MAP2K5: variants seen among roughly 807,000 people sequenced by gnomAD.
MAP2K5 encodes the protein dual specificity mitogen-activated protein kinase kinase 5.
In MAP2K5, 49 loss-of-function variants were observed where a neutral mutation model predicts 83.1. That is an observed-to-expected ratio of 0.59 (90% CI 0.47 to 0.75). The LOEUF (loss-of-function observed/expected upper bound fraction) is 0.75. MAP2K5 is among the 30% of genes least tolerant of loss of function. MAP2K5 has a pLI of 0.00. For synonymous variants in MAP2K5, 202 were observed against 191.8 expected (o/e 1.05, Z -0.44); for missense variants, 457 against 557.5 (o/e 0.82, Z 1.82).
intron 3 of MAP2K5, among the ~76,000 whole-genome samples, chr15:67,578,400 G>A (rs1311499994): frequency 6.6e-6 from 1 of 152,206 alleles, no homozygotes; most frequent in African/African-American, 2.4e-5. Flanking sequence ...CAGTTGTGTA[G>A]GGCCCACACT....
chr15:67,651,374 TAGG>T (rs1238568481), intron 11 of MAP2K5, among the ~76,000 whole-genome samples: 4 of 152,234 alleles, frequency 2.6e-5, no homozygotes, highest in Non-Finnish European at 5.9e-5. Flanking sequence ...TTCTTTGTGT[TAGG>T]AGCATTGCAA....
Position 67,759,822 on chromosome 15 carries a change from C to T in MAP2K5, c.1135-9780C>T, listed in dbSNP as rs538076391. Among the ~76,000 whole-genome samples the T allele has an allele frequency of 2.2e-4, 34 of 152,266 alleles. No individual in the cohort carries two copies. In the East Asian group the frequency reaches 3.5e-3, roughly 16 times the overall value. On this transcript the variant is annotated intron_variant, in intron 19 of 21. Coordinates refer to ENST00000178640, the MANE Select transcript of MAP2K5 (RefSeq NM_145160.3). ...CTATAGTGATTAACTCCAACCACTC[C>T]CACAAACAGGTTTTTGTGATGTGGG... is the stretch of plus-strand genomic sequence containing the variant.
chr15:67,581,237 G>A (rs978345910), intron 4 of MAP2K5, among the ~76,000 whole-genome samples: 4 of 152,154 alleles, frequency 2.6e-5, no homozygotes, highest in Non-Finnish European at 5.9e-5. Context: ...TGTTAGGAGA[G>A]AAATTTTGGT....
At chr15:67,798,308 A>C (rs1426983343) in intron 21 of MAP2K5, among the ~76,000 whole-genome samples, 1 of 152,230 alleles carries the variant, frequency 6.6e-6, no homozygotes, top group Non-Finnish European at 1.5e-5. Flanking sequence ...CAGCCTGCCC[A>C]GTCCTATCCA....
intron 3 of MAP2K5, among the ~76,000 whole-genome samples, chr15:67,575,614 T>C (rs2085039126): frequency 6.6e-6 from 1 of 152,224 alleles, no homozygotes; most frequent in Non-Finnish European, 1.5e-5. Flanking sequence ...ACCTACTTCT[T>C]AACTTGTAAG....
At chr15:67,642,123 A>T (rs1321872512) in intron 9 of MAP2K5, among the ~76,000 whole-genome samples, 1 of 152,262 alleles carries the variant, frequency 6.6e-6, no homozygotes, top group Non-Finnish European at 1.5e-5. Context: ...CCACAAATAC[A>T]GTATTCCTTA....
rs62015215 is a variant in MAP2K5 at position 67,778,948 on chromosome 15, G to T, written c.1242+6196G>T. 0.083 allele frequency among the ~76,000 whole-genome samples: 12,610 copies of T among 152,214 alleles called. 691 individuals are homozygous for T. The highest frequency in any genetic ancestry group is 0.1 in the Admixed American group (1,583 of 15,284). On this transcript the variant is annotated intron_variant, in intron 21 of 21. Transcript: ENST00000178640. The surrounding 1 kb of genome is among the most constrained non-coding windows in gnomAD (Gnocchi z 5.0). Reference sequence around the variant, plus strand: ...GTGAACTTGGATGTAGTTCACTACAGTTAGGTATTGCCTGTGTCATATAAA... The same window carrying T: ...GTGAACTTGGATGTAGTTCACTACATTTAGGTATTGCCTGTGTCATATAAA...
rs1160991727 is a variant in MAP2K5 at position 67,778,830 on chromosome 15, G to A, written c.1242+6078G>A. Reference sequence around the variant, plus strand: ...TGCCCTGAGCGCAAATATGAAGAAAGGTGCATTTCCATAGCCCCCTTAGAG... The same window carrying A: ...TGCCCTGAGCGCAAATATGAAGAAAAGTGCATTTCCATAGCCCCCTTAGAG... On this transcript the variant is annotated intron_variant, in intron 21 of 21. Coordinates refer to ENST00000178640, the MANE Select transcript of MAP2K5 (RefSeq NM_145160.3). The surrounding 1 kb of genome is among the most constrained non-coding windows in gnomAD (Gnocchi z 5.0). Among the ~76,000 whole-genome samples the A allele has an allele frequency of 2.0e-5, 3 of 152,148 alleles. No individual in the cohort carries two copies. The highest frequency in any genetic ancestry group is 4.4e-5 in the Non-Finnish European group (3 of 68,032).
intron 8 of MAP2K5, among the ~76,000 whole-genome samples, chr15:67,614,290 T>C (rs867834404): frequency 6.6e-6 from 1 of 152,214 alleles, no homozygotes. Flanking sequence ...ATATGTAAAA[T>C]GTTTTATAAA....
At chr15:67,789,232 A>G (rs1396288757) in intron 21 of MAP2K5, among the ~76,000 whole-genome samples, 1 of 152,128 alleles carries the variant, frequency 6.6e-6, no homozygotes, top group African/African-American at 2.4e-5. Flanking sequence ...TGGATGTATC[A>G]TATTTATTTA....
chr15:67,558,468 CTT>C (rs901615600), intron 2 of MAP2K5, among the ~76,000 whole-genome samples: 1 of 152,204 alleles, frequency 6.6e-6, no homozygotes, highest in African/African-American at 2.4e-5. Context: ...TATACAGCCT[CTT>C]TTCCACATGG....
At position 67,724,666 on chromosome 15, in the gene MAP2K5, CTA is replaced by C. The variant is rs1167014136; in HGVS notation, c.1045-3246_1045-3245del. 2.0e-5 allele frequency among the ~76,000 whole-genome samples: 3 copies of C among 152,214 alleles called. No homozygotes were observed. The highest frequency in any genetic ancestry group is 4.4e-5 in the Non-Finnish European group (3 of 68,040). On this transcript the variant is annotated intron_variant, in intron 16 of 21. Coordinates refer to ENST00000178640, the MANE Select transcript of MAP2K5 (RefSeq NM_145160.3). This position sits in a 1 kb window ranked among gnomAD's most constrained non-coding sequence, Gnocchi z 4.4. ...TGATAAAAAGAGTTCTAGAGCCTGG[CTA>C]TATGTTTCCTTCTACTTTTCTATAA...
Position 67,724,555 on chromosome 15 carries a change from C to T in MAP2K5, c.1045-3361C>T, listed in dbSNP as rs1190095876. ...GACTACAGACACGTGCCACCACACG[C>T]CTCTCATTTTTGTAGAGAACTCGTT... On this transcript the variant is annotated intron_variant, in intron 16 of 21. Transcript: ENST00000178640. This position sits in a 1 kb window ranked among gnomAD's most constrained non-coding sequence, Gnocchi z 4.4. Among the ~76,000 whole-genome samples the T allele has an allele frequency of 6.6e-6, 1 of 152,130 alleles. No individual in the cohort carries two copies. Among genetic ancestry groups the T allele is most frequent in the Non-Finnish European group, 1.5e-5 (1 of 68,024 alleles).
chr15:67,549,209 T>C (rs1215503835), intron 1 of MAP2K5: 18 of 1,534,432 alleles, frequency 1.2e-5, no homozygotes, highest in Non-Finnish European at 1.5e-5. Context: ...CCCCAGAGCG[T>C]AGGTGTTCTA....
In MAP2K5 at chr15:67,563,579, T is replaced by C. The variant is rs1040977301; in HGVS notation, c.252+229T>C. ...AAGAATAATGCATCTTAATGACTTT[T>C]GCATTAGGTATGATGCAGACTAAAT... On this transcript the variant is annotated intron_variant, in intron 3 of 21. Coordinates refer to ENST00000178640, the MANE Select transcript of MAP2K5 (RefSeq NM_145160.3). This position sits in a 1 kb window ranked among gnomAD's most constrained non-coding sequence, Gnocchi z 4.5. Among the ~76,000 whole-genome samples the C allele has an allele frequency of 2.0e-5, 3 of 152,214 alleles. No homozygotes were observed. The highest frequency in any genetic ancestry group is 7.2e-5 in the African/African-American group (3 of 41,454).
chr15:67,616,412 A>G (rs1164217048), intron 8 of MAP2K5, among the ~76,000 whole-genome samples: 16 of 152,208 alleles, frequency 1.1e-4, no homozygotes, highest in Admixed American at 9.8e-4. Context: ...AAACTTTTTC[A>G]TAATGAATCA....
In MAP2K5 at chr15:67,641,605, A is replaced by G. The variant is rs1029086640; in HGVS notation, c.586-4626A>G. On this transcript the variant is annotated intron_variant, in intron 9 of 21. Coordinates refer to ENST00000178640, the MANE Select transcript of MAP2K5 (RefSeq NM_145160.3). ...TTGACTGCTTATATTTAACTTGACA[A>G]CTCATCCTTATTTGTCCTGGAGGTG... 9.0e-6 allele frequency: 9 copies of G among 994,508 alleles called. No homozygotes were observed. The East Asian group carries it at 5.7e-4, about 63-fold the overall frequency. 61.6% of individuals were successfully genotyped at this position (994,508 alleles called of 1,614,324 possible). A position where few individuals can be genotyped will look rare whatever the true frequency, so the allele number is the denominator to read the frequency against.
intron 13 of MAP2K5, among the ~76,000 whole-genome samples, chr15:67,687,486 C>T (rs2087986723): frequency 6.6e-6 from 1 of 152,166 alleles, no homozygotes; most frequent in Admixed American, 6.5e-5. Context: ...TACCAAACTG[C>T]TTCTTGGTCT....
chr15:67,586,617 C>A (rs1436025574), intron 5 of MAP2K5, among the ~76,000 whole-genome samples: 2 of 152,098 alleles, frequency 1.3e-5, no homozygotes, highest in East Asian at 3.8e-4. Flanking sequence ...TCTCCTTTTT[C>A]ATCACTGTTT....
Sources: gnomAD v4.1 joint callset for allele counts (sites outside exome capture counted in the v4.1 genomes callset) on GRCh38, gnomAD v4.1.1 for gene constraint, Gnocchi (gnomAD v3.1) non-coding constraint, MANE v1.5 for transcripts, NCBI Gene and HGNC (gene_info 2026-07-23, HGNC 2026-07-21) for gene names.